DOCK4: variants seen among roughly 807,000 people sequenced by gnomAD.
DOCK4 encodes dedicator of cytokinesis 4, also known as dedicator of cytokinesis protein 4.
Under a neutral mutation model 268.1 loss-of-function variants are expected in DOCK4, and 97 were observed. The observed-to-expected ratio is 0.36, with a 90% CI of 0.31 to 0.43. The LOEUF (loss-of-function observed/expected upper bound fraction) is 0.43. Ranked by LOEUF, DOCK4 falls within the 20% of genes least tolerant of loss-of-function variation. The pLI is 1.00. For synonymous variants in DOCK4, 954 were observed against 887.2 expected (o/e 1.08, Z -1.34); for missense variants, 2,145 against 2,455.7 (o/e 0.87, Z 2.67).
chr7:111,875,045 T>C (rs183906694), intron 17 of DOCK4, among the ~76,000 whole-genome samples: 1 of 152,380 alleles, frequency 6.6e-6, no homozygotes, highest in Admixed American at 6.5e-5. Context: ...GTGTTTAGCA[T>C]GTAAATTTCA....
At chr7:111,791,749 G>GT (rs1037374175) in intron 30 of DOCK4, among the ~76,000 whole-genome samples, 2 of 151,886 alleles carry the variant, frequency 1.3e-5, no homozygotes, top group Admixed American at 1.3e-4. Context: ...CGCCCAGCCT[G>GT]TTTTTTAAAA....
Position 111,747,321 on chromosome 7 carries a change from G to A in DOCK4, c.4539C>T (p.Cys1513=). Residue 1513 remains cysteine, a synonymous_variant, in exon 43 of 53, where the codon TGC becomes TGT. Transcript: ENST00000428084. ...CTGCAGCATCTATAACTCCATTCAG[G>A]CACATAGTCAGGGGATTAATATTCT... is the stretch of plus-strand genomic sequence containing the variant. The part of the protein sequence containing the change: ...QMQNINPLTM[C]LNGVIDAAVN... 1 of 1,613,554 alleles carries A rather than the reference G, an allele frequency of 6.2e-7. No individual in the cohort carries two copies. Among genetic ancestry groups the A allele is most frequent in the South Asian group, 1.1e-5 (1 of 91,054 alleles).
At chr7:111,775,759 C>A (rs1798403840) in intron 36 of DOCK4, among the ~76,000 whole-genome samples, 1 of 152,126 alleles carries the variant, frequency 6.6e-6, no homozygotes, top group Admixed American at 6.5e-5. Flanking sequence ...GCAGTGGGGG[C>A]AGTGGCAGTG....
chr7:112,092,448 A>C (rs1809722360), intron 1 of DOCK4, among the ~76,000 whole-genome samples: 1 of 152,182 alleles, frequency 6.6e-6, no homozygotes, highest in Non-Finnish European at 1.5e-5. Context: ...AGCTCCCTAC[A>C]GAGCTGACGT....
At chr7:111,762,762 C>CTTTTTTTTTTTTTTTTTTTTGTTTTTTTT (rs1797511916) in intron 39 of DOCK4, among the ~76,000 whole-genome samples, 1 of 63,068 alleles carries the variant, frequency 1.6e-5, no homozygotes, top group Non-Finnish European at 3.0e-5. Flanking sequence ...GTTTTGTTTT[C>CTTTTTTTTTTTTTTTTTTTTGTTTTTTTT]TTTTTTTTTT....
chr7:111,981,512 G>C (rs543945786), intron 7 of DOCK4, among the ~76,000 whole-genome samples: 2 of 152,056 alleles, frequency 1.3e-5, no homozygotes, highest in African/African-American at 4.8e-5. Context: ...CATGTACCCC[G>C]GAACTTAAAA....
At chr7:111,872,662 G>A (rs930113387) in intron 17 of DOCK4, 98 bp from the exon 18 acceptor site, 6 of 970,276 alleles carry the variant, frequency 6.2e-6, no homozygotes, top group Admixed American at 2.8e-5. Flanking sequence ...AACACATGTG[G>A]CTCCCCTCTC....
At chr7:112,084,968 T>C (rs995218786) in intron 1 of DOCK4, among the ~76,000 whole-genome samples, 8 of 152,002 alleles carry the variant, frequency 5.3e-5, no homozygotes, top group African/African-American at 1.7e-4. Flanking sequence ...CTTGGCCAAG[T>C]TGTATGGCTT....
intron 1 of DOCK4, among the ~76,000 whole-genome samples, chr7:112,165,702 T>C (rs1817557953): frequency 6.6e-6 from 1 of 152,056 alleles, no homozygotes; most frequent in Non-Finnish European, 1.5e-5. Context: ...GTACATTTCT[T>C]ACAGTAATGT....
chr7:111,833,708 A>T (rs1269756116), intron 26 of DOCK4, among the ~76,000 whole-genome samples: 2 of 152,202 alleles, frequency 1.3e-5, no homozygotes, highest in Non-Finnish European at 2.9e-5. Context: ...CTGAGATCAT[A>T]CAATATTTTC....
At chr7:112,027,975 A>G (rs1211469848) in intron 1 of DOCK4, among the ~76,000 whole-genome samples, 1 of 152,222 alleles carries the variant, frequency 6.6e-6, no homozygotes, top group African/African-American at 2.4e-5. Flanking sequence ...AAAGGTGAGT[A>G]CAGGGCAGTA....
chr7:111,733,543 A>C (rs756804581), intron 51 of DOCK4, among the ~76,000 whole-genome samples: 8 of 152,202 alleles, frequency 5.3e-5, no homozygotes, highest in Non-Finnish European at 1.0e-4. Flanking sequence ...CTGACGGAGA[A>C]CTATGTTCCT....
intron 25 of DOCK4, chr7:111,840,633 A>C: frequency 5.0e-6 from 1 of 198,472 alleles, no homozygotes; most frequent in Non-Finnish European, 9.8e-6. Flanking sequence ...GGCCTCTGTT[A>C]TCTGGAACTA....
chr7:112,024,640 T>C (rs1802615153), intron 1 of DOCK4, among the ~76,000 whole-genome samples: 1 of 152,204 alleles, frequency 6.6e-6, no homozygotes, highest in Non-Finnish European at 1.5e-5. Context: ...CCTGGATAAT[T>C]AACAGCCTTC....
At chr7:111,889,971 A>G (rs1808158384) in intron 16 of DOCK4, among the ~76,000 whole-genome samples, 1 of 152,192 alleles carries the variant, frequency 6.6e-6, no homozygotes, top group South Asian at 2.1e-4. Flanking sequence ...ATGAATTTAC[A>G]AAACCCCAAC....
At chr7:112,191,391 G>A (rs934577087) in intron 1 of DOCK4, among the ~76,000 whole-genome samples, 1 of 150,996 alleles carries the variant, frequency 6.6e-6, no homozygotes, top group Non-Finnish European at 1.5e-5. Flanking sequence ...CACCCCTCTA[G>A]TACCCATCCC....
intron 16 of DOCK4, among the ~76,000 whole-genome samples, chr7:111,885,731 A>G (rs1467249080): frequency 6.8e-6 from 1 of 148,128 alleles, no homozygotes; most frequent in Non-Finnish European, 1.5e-5. Context: ...GATAATTTAC[A>G]AATTAGAGAG....
chr7:111,744,322 T>A lies in DOCK4; in HGVS notation c.4677+2012A>T, dbSNP rs144265980. ...AGCACTGGGGTGGTGCATGTCTCTGTCCTCTAGAGAGTTTATCTGAACTAC... is the reference window on the plus strand; with the variant it reads ...AGCACTGGGGTGGTGCATGTCTCTGACCTCTAGAGAGTTTATCTGAACTAC... On this transcript the variant is annotated intron_variant, in intron 44 of 52. Transcript: ENST00000428084. 3.3e-3 allele frequency among the ~76,000 whole-genome samples: 496 copies of A among 152,278 alleles called. 6 individuals carry two copies. The highest frequency in any genetic ancestry group is 0.012 in the African/African-American group (482 of 41,572).
chr7:111,812,857 A>G (rs1474573643), intron 27 of DOCK4, among the ~76,000 whole-genome samples: 1 of 152,210 alleles, frequency 6.6e-6, no homozygotes, highest in Non-Finnish European at 1.5e-5. Flanking sequence ...ACATTCAGAG[A>G]AAGGGTCATC....
Sources: gnomAD v4.1 joint callset for allele counts (sites outside exome capture counted in the v4.1 genomes callset) on GRCh38, gnomAD v4.1.1 for gene constraint, MANE v1.5 for transcripts, NCBI Gene and HGNC (gene_info 2026-07-23, HGNC 2026-07-21) for gene names.